The following ARHGAP8 variants were observed in gnomAD, a reference collection of about 807,000 sequenced individuals.
The protein encoded by ARHGAP8 is Rho GTPase activating protein 8.
ARHGAP8 carries 62 observed loss-of-function variants against 46.1 expected under a neutral mutation model. That is an observed-to-expected ratio of 1.34 (90% CI 1.10 to 1.66). ARHGAP8 has a LOEUF of 1.66. ARHGAP8 is among the 40% of genes most tolerant of loss of function. ARHGAP8 has a pLI of 0.00. For synonymous variants in ARHGAP8, 375 were observed against 243.1 expected, an observed-to-expected ratio of 1.54 and a Z score of -5.05; for missense variants, 923 against 568.4, an observed-to-expected ratio of 1.62 and a Z score of -6.34.
chr22:44,817,232 C>T (rs1188401005), intron 5 of ARHGAP8, among the ~76,000 whole-genome samples: 1 of 152,186 alleles, frequency 6.6e-6, no homozygotes, highest in African/African-American at 2.4e-5. Flanking sequence ...GGGACTGAAT[C>T]GTGTGGTCCT....
At chr22:44,826,462 C>A (rs9614575) in intron 7 of ARHGAP8, among the ~76,000 whole-genome samples, 1 of 151,996 alleles carries the variant, frequency 6.6e-6, no homozygotes, top group Non-Finnish European at 1.5e-5. Context: ...TCTTGCTCTG[C>A]TTCTCAGGCA....
chr22:44,845,950 C>T (rs950845177), intron 8 of ARHGAP8, among the ~76,000 whole-genome samples: 2 of 152,076 alleles, frequency 1.3e-5, no homozygotes, highest in Admixed American at 6.5e-5. Flanking sequence ...CTAGGTGGGC[C>T]GGGTGGTCTC....
chr22:44,822,589 C>A, intron 6 of ARHGAP8, 120 bp downstream of exon 6: 2 of 909,040 alleles, frequency 2.2e-6, no homozygotes, highest in South Asian at 2.4e-5. Context: ...CTAGATTTGG[C>A]TCAGAAATCT....
chr22:44,783,205 A>G (rs922933007), intron 1 of ARHGAP8, among the ~76,000 whole-genome samples: 2 of 152,104 alleles, frequency 1.3e-5, no homozygotes, highest in Non-Finnish European at 2.9e-5. Flanking sequence ...CCCACGTTCA[A>G]GGTTCCATGG....
chr22:44,862,764 C>T lies in ARHGAP8; in HGVS notation c.*169C>T, dbSNP rs1178894265. On this transcript the variant is annotated 3_prime_UTR_variant, in exon 12 of 12. Transcript: ENST00000356099. ...TGGACTCTTGTCCATGGTTCCTGAGCTGTGGACCGGGATAGAATAATGCAT... is the reference window on the plus strand; with the variant it reads ...TGGACTCTTGTCCATGGTTCCTGAGTTGTGGACCGGGATAGAATAATGCAT... 3.6e-6 allele frequency: 3 copies of T among 824,432 alleles called. No homozygotes were observed. The highest frequency in any genetic ancestry group is 5.4e-6 in the Non-Finnish European group (3 of 557,626). The allele number at this position is 824,432 out of a possible 1,614,324, so 51.1% of individuals were successfully genotyped here.
intron 1 of ARHGAP8, among the ~76,000 whole-genome samples, chr22:44,775,951 C>T (rs1478787029): frequency 1.3e-5 from 2 of 152,150 alleles, no homozygotes; most frequent in African/African-American, 4.8e-5. Flanking sequence ...TCGAGCTTTG[C>T]CTCATTCAGA....
At chr22:44,858,268 C>T (rs1338753524) in intron 10 of ARHGAP8, among the ~76,000 whole-genome samples, 1 of 152,088 alleles carries the variant, frequency 6.6e-6, no homozygotes, top group Admixed American at 6.5e-5. Flanking sequence ...TGTGGGTACA[C>T]AGTAGCATAG....
At chr22:44,759,653 T>C (rs938988765) in intron 1 of ARHGAP8, among the ~76,000 whole-genome samples, 1 of 152,124 alleles carries the variant, frequency 6.6e-6, no homozygotes, top group Admixed American at 6.6e-5. Flanking sequence ...AGTGGTTCTG[T>C]CTTGAGAAAC....
intron 2 of ARHGAP8, among the ~76,000 whole-genome samples, chr22:44,795,055 C>A (rs28407361): frequency 0.018 from 2,406 of 135,154 alleles, 62 homozygotes; most frequent in African/African-American, 0.062. Context: ...AAAAAAAAAA[C>A]AAAAAACGAA....
intron 2 of ARHGAP8, among the ~76,000 whole-genome samples, chr22:44,788,511 GTCC>G (rs923157651): frequency 1.7e-4 from 26 of 152,058 alleles, no homozygotes; most frequent in Middle Eastern, 3.4e-3. Context: ...CCAAGTGCAA[GTCC>G]TCCTGAGAAG....
intron 3 of ARHGAP8, among the ~76,000 whole-genome samples, chr22:44,803,251 T>G (rs1042576171): frequency 2.6e-5 from 4 of 152,136 alleles, no homozygotes; most frequent in Non-Finnish European, 5.9e-5. Flanking sequence ...CAGGTGCGCA[T>G]GGGCTCCACA....
At chr22:44,787,250 A>G (rs562858010) in intron 2 of ARHGAP8, among the ~76,000 whole-genome samples, 2 of 152,336 alleles carry the variant, frequency 1.3e-5, no homozygotes, top group East Asian at 3.9e-4. Context: ...AAAGCAACAA[A>G]CATCTGCAAA....
At chr22:44,779,156 G>C (rs1043674740) in intron 1 of ARHGAP8, among the ~76,000 whole-genome samples, 20 of 147,800 alleles carry the variant, frequency 1.4e-4, no homozygotes, top group Admixed American at 8.3e-4. Context: ...CTGGAGTGCA[G>C]TGGCGCGATC....
chr22:44,813,942 T>C (rs559052074), intron 4 of ARHGAP8, among the ~76,000 whole-genome samples: 1 of 152,264 alleles, frequency 6.6e-6, no homozygotes, highest in East Asian at 1.9e-4. Flanking sequence ...TCTGGCGTCC[T>C]GCAGGCTGAC....
intron 2 of ARHGAP8, among the ~76,000 whole-genome samples, chr22:44,795,098 G>A (rs1238783708): frequency 3.3e-5 from 5 of 151,360 alleles, no homozygotes; most frequent in African/African-American, 1.2e-4. Flanking sequence ...TACCAAATTA[G>A]TTGCCCTTCT....
intron 11 of ARHGAP8, among the ~76,000 whole-genome samples, chr22:44,860,770 C>T (rs868493409): frequency 3.9e-5 from 6 of 152,186 alleles, no homozygotes; most frequent in African/African-American, 1.4e-4. Flanking sequence ...GGGGAAGGTT[C>T]AACACATCCA....
intron 7 of ARHGAP8, among the ~76,000 whole-genome samples, chr22:44,832,970 C>A (rs201966387): frequency 3.1e-5 from 4 of 128,646 alleles, no homozygotes; most frequent in South Asian, 2.9e-4. Context: ...CTATTAAAAA[C>A]ACACACACAC....
At chr22:44,840,862 C>T (rs1227650478) in intron 7 of ARHGAP8, among the ~76,000 whole-genome samples, 2 of 152,190 alleles carry the variant, frequency 1.3e-5, no homozygotes, top group African/African-American at 2.4e-5. Flanking sequence ...TTTAAAAGAG[C>T]ACTCTGTCTG....
chr22:44,847,459 G>A (rs958268737), intron 8 of ARHGAP8, among the ~76,000 whole-genome samples: 1 of 152,194 alleles, frequency 6.6e-6, no homozygotes, highest in Non-Finnish European at 1.5e-5. Flanking sequence ...TCATGCAATT[G>A]AGTGACTAGA....
Sources: allele counts gnomAD v4.1 joint callset (sites outside exome capture counted in the v4.1 genomes callset), GRCh38; gene constraint gnomAD v4.1.1; transcripts MANE v1.5; gene names NCBI Gene and HGNC (gene_info 2026-07-23, HGNC 2026-07-21).